Variants in EYS observed in about 807,000 individuals in gnomAD.
EYS encodes protein eyes shut homolog.
In EYS, 250 loss-of-function variants were observed where a neutral mutation model predicts 282.1. That is an observed-to-expected ratio of 0.89 (90% CI 0.80 to 0.98). EYS has a LOEUF of 0.98. Ranked by LOEUF, EYS falls within the 50% of genes least tolerant of loss-of-function variation. The pLI is 0.00. For missense variants in EYS, 4,016 were observed against 3,709.0 expected, an observed-to-expected ratio of 1.08 and a Z score of -2.15; for synonymous variants, 1,355 against 1,282.9, an observed-to-expected ratio of 1.06 and a Z score of -1.20.
chr6:65,476,237 T>G (rs1239683422), intron 5 of EYS, among the ~76,000 whole-genome samples: 5 of 152,078 alleles, frequency 3.3e-5, no homozygotes, highest in Non-Finnish European at 5.9e-5. Flanking sequence ...ATAAACTCTA[T>G]TAAAGATGCT....
chr6:64,127,444 G>T (rs1773821983), intron 31 of EYS, among the ~76,000 whole-genome samples: 2 of 152,064 alleles, frequency 1.3e-5, no homozygotes, highest in Admixed American at 1.3e-4. Context: ...AGTTGGAGTA[G>T]ATTTTTTCCC....
intron 31 of EYS, among the ~76,000 whole-genome samples, chr6:64,204,743 G>T (rs1765566409): frequency 6.6e-6 from 1 of 152,120 alleles, no homozygotes; most frequent in African/African-American, 2.4e-5. Context: ...CTGGAATCAT[G>T]TTTTAATATC....
intron 2 of EYS, among the ~76,000 whole-genome samples, chr6:65,601,365 T>C (rs1347263953): frequency 6.6e-6 from 1 of 151,890 alleles, no homozygotes; most frequent in Non-Finnish European, 1.5e-5. Flanking sequence ...AAACCTTGTA[T>C]AAATCCCTCT....
At chr6:65,616,703 T>C (rs1037264569) in intron 2 of EYS, among the ~76,000 whole-genome samples, 9 of 151,834 alleles carry the variant, frequency 5.9e-5, no homozygotes, top group Admixed American at 2.6e-4. Flanking sequence ...GGAGAATAGC[T>C]TGAACCCGGG....
chr6:64,299,469 T>G (rs1332919512), intron 30 of EYS, among the ~76,000 whole-genome samples: 1 of 152,216 alleles, frequency 6.6e-6, no homozygotes, highest in Non-Finnish European at 1.5e-5. Context: ...CCCCAGCAGG[T>G]GGTGCCTCGT....
rs1490828129 is a variant in EYS at position 63,721,573 on chromosome 6, C to T, written c.8458G>A (p.Asp2820Asn). The T allele has an allele frequency of 6.4e-7, 1 of 1,551,566 alleles. No individual in the cohort carries two copies. The highest frequency in any genetic ancestry group is 1.4e-5 in the African/African-American group (1 of 73,020). Residue 2820 changes from aspartate to asparagine, a missense_variant, in exon 43 of 43, where the codon GAC becomes AAC. By Grantham distance (23) the Asp-to-Asn change is conservative. Coordinates refer to ENST00000503581, the MANE Select transcript of EYS (RefSeq NM_001142800.2). ...TKMSSLDTNT[D>N]FYIGGVSSLN... ...GAAGATACTCCTCCAATATAGAAGT[C>T]TGTATTTGTGTCCAGAGAACTCATT...
chr6:65,046,549 A>G (rs1015041619), intron 13 of EYS, among the ~76,000 whole-genome samples: 5 of 151,834 alleles, frequency 3.3e-5, no homozygotes, highest in African/African-American at 1.2e-4. Context: ...AATGTCAAAT[A>G]AAGTCTGAGC....
intron 33 of EYS, among the ~76,000 whole-genome samples, chr6:64,060,570 A>G (rs916077993): frequency 1.3e-5 from 2 of 152,194 alleles, no homozygotes; most frequent in African/African-American, 4.8e-5. Flanking sequence ...TTGTGAAGTT[A>G]ATGCGGATTT....
intron 29 of EYS, among the ~76,000 whole-genome samples, chr6:64,379,304 G>A (rs1772666725): frequency 6.6e-6 from 1 of 151,988 alleles, no homozygotes; most frequent in African/African-American, 2.4e-5. Context: ...GAGTTACATA[G>A]ACCACACTGC....
At chr6:65,271,991 A>G (rs1767918872) in intron 12 of EYS, among the ~76,000 whole-genome samples, 1 of 152,184 alleles carries the variant, frequency 6.6e-6, no homozygotes, top group African/African-American at 2.4e-5. Flanking sequence ...TCCTATGTCT[A>G]CAGGAGGTAA....
intron 2 of EYS, among the ~76,000 whole-genome samples, chr6:65,529,155 A>G (rs2127306348): frequency 6.6e-6 from 1 of 152,176 alleles, no homozygotes; most frequent in South Asian, 2.1e-4. Context: ...AAAAAATAGT[A>G]TGGGATCTTG....
intron 12 of EYS, among the ~76,000 whole-genome samples, chr6:65,083,178 C>A (rs1421493155): frequency 6.6e-6 from 1 of 151,910 alleles, no homozygotes; most frequent in Non-Finnish European, 1.5e-5. Flanking sequence ...TATTCATTTT[C>A]TCAGTATTAG....
At chr6:64,928,943 G>T (rs1378450601) in intron 15 of EYS, among the ~76,000 whole-genome samples, 1 of 151,992 alleles carries the variant, frequency 6.6e-6, no homozygotes, top group Non-Finnish European at 1.5e-5. Flanking sequence ...AATCTTCTGG[G>T]CTTCAATAAC....
chr6:65,693,396 T>C (rs1769315152), intron 1 of EYS, among the ~76,000 whole-genome samples: 2 of 118,466 alleles, frequency 1.7e-5, no homozygotes, highest in Non-Finnish European at 3.4e-5. Context: ...AATCTTCTTT[T>C]TTCCTTTCTT....
chr6:64,042,056 T>C (rs1012421586), intron 33 of EYS, among the ~76,000 whole-genome samples: 2 of 152,166 alleles, frequency 1.3e-5, no homozygotes, highest in African/African-American at 4.8e-5. Flanking sequence ...TAGAAAAATC[T>C]CTATCCTTTA....
At chr6:65,328,606 T>G (rs559892627) in intron 11 of EYS, among the ~76,000 whole-genome samples, 1 of 151,184 alleles carries the variant, frequency 6.6e-6, no homozygotes, top group Non-Finnish European at 1.5e-5. Context: ...ATGAATGTAT[T>G]GCTAACTGTA....
At chr6:63,996,772 TA>T in intron 34 of EYS, among the ~76,000 whole-genome samples, 1 of 152,066 alleles carries the variant, frequency 6.6e-6, no homozygotes, top group East Asian at 1.9e-4. Flanking sequence ...TGGTAACAAT[TA>T]AATAATTTAA....
chr6:64,661,624 C>G (rs1398356697), intron 22 of EYS, among the ~76,000 whole-genome samples: 2 of 151,172 alleles, frequency 1.3e-5, no homozygotes, highest in Non-Finnish European at 3.0e-5. Context: ...CCAAAAGACA[C>G]ATGAAAAATG....
chr6:65,261,848 T>C (rs891355160), intron 12 of EYS, among the ~76,000 whole-genome samples: 2 of 152,088 alleles, frequency 1.3e-5, no homozygotes, highest in African/African-American at 4.8e-5. Context: ...AAATGTTTAC[T>C]GTTTTCTGTC....
Sources: allele counts gnomAD v4.1 joint callset (sites outside exome capture counted in the v4.1 genomes callset), GRCh38; gene constraint gnomAD v4.1.1; transcripts MANE v1.5; gene names NCBI Gene and HGNC (gene_info 2026-07-23, HGNC 2026-07-21).